UNC13B: variants seen among roughly 807,000 people sequenced by gnomAD.
UNC13B encodes protein unc-13 homolog B.
In UNC13B, 144 loss-of-function variants were observed where a neutral mutation model predicts 211.0. The ratio of observed to expected loss-of-function variants is 0.68; its 90% CI spans 0.60 to 0.78. UNC13B has a LOEUF of 0.78. Among genes scored for constraint, UNC13B ranks in the 30% least tolerant of loss-of-function variants. The pLI, the probability that UNC13B is intolerant of heterozygous loss-of-function variation, is 0.00. For missense variants in UNC13B, 1,777 were observed against 2,002.0 expected (o/e 0.89, Z 2.14); for synonymous variants, 709 against 725.8 (o/e 0.98, Z 0.37).
At chr9:35,321,273 T>G (rs992012916) in intron 11 of UNC13B, among the ~76,000 whole-genome samples, 2 of 152,152 alleles carry the variant, frequency 1.3e-5, no homozygotes, top group Non-Finnish European at 2.9e-5. Flanking sequence ...TGGGCTGGAG[T>G]GCAGTGGTAC....
chr9:35,227,528 C>T (rs1053829801), intron 1 of UNC13B, among the ~76,000 whole-genome samples: 2 of 152,136 alleles, frequency 1.3e-5, no homozygotes, highest in African/African-American at 2.4e-5. Flanking sequence ...GGAAACAGCG[C>T]TTTGTGATTA....
intron 1 of UNC13B, among the ~76,000 whole-genome samples, chr9:35,226,410 A>C (rs956901490): frequency 2.0e-5 from 3 of 152,190 alleles, no homozygotes; most frequent in African/African-American, 7.2e-5. Context: ...ATATGCACAC[A>C]CACACATATC....
intron 6 of UNC13B, among the ~76,000 whole-genome samples, chr9:35,254,964 A>G (rs1468355789): frequency 8.2e-6 from 1 of 121,592 alleles, no homozygotes; most frequent in Non-Finnish European, 1.6e-5. Flanking sequence ...AATATAATAT[A>G]TTATATTATA....
rs1279859366 is a variant in UNC13B at position 35,162,101 on chromosome 9, G to C, written c.-183G>C. The C allele has an allele frequency of 3.4e-6, 3 of 889,404 alleles. No homozygotes were observed. Among genetic ancestry groups the C allele is most frequent in the Non-Finnish European group, 5.1e-6 (3 of 586,250 alleles). The allele number at this position is 889,404 out of a possible 1,614,324, so 55.1% of individuals were successfully genotyped here. ...CGGTACTCACCGCTACCCGGAGTTC[G>C]CTCAGACGGTGAGATTTGGGGCGGG... On this transcript the variant is annotated 5_prime_UTR_variant, in exon 1 of 40. Coordinates refer to ENST00000635942, the MANE Select transcript of UNC13B (RefSeq NM_001371189.2).
At position 35,404,138 on chromosome 9, in the gene UNC13B, A is replaced by G; in HGVS notation, c.*105A>G. On this transcript the variant is annotated 3_prime_UTR_variant, in exon 40 of 40. Transcript: ENST00000635942. ...TAGGGTCTTTGCAGTCAAGAGGCTG[A>G]CCCCTTCAGTTAAAGATATTTAAGG... 1 of 1,424,616 alleles carries G rather than the reference A, an allele frequency of 7.0e-7. No homozygotes were observed. 88.2% of individuals were successfully genotyped at this position (1,424,616 alleles called of 1,614,324 possible).
rs371920951 is a variant in UNC13B at position 35,162,243 on chromosome 9, G to T, written c.-41G>T. On this transcript the variant is annotated 5_prime_UTR_variant, in exon 1 of 40. Coordinates refer to ENST00000635942, the MANE Select transcript of UNC13B (RefSeq NM_001371189.2). Reference sequence around the variant, plus strand: ...CTGAGAGGAAAGAGGGAGCGGTCCGGCGCGGCTGGGGCGCGGCAGAGGCTT... The same window carrying T: ...CTGAGAGGAAAGAGGGAGCGGTCCGTCGCGGCTGGGGCGCGGCAGAGGCTT... 6 of 1,542,414 alleles carry T rather than the reference G, an allele frequency of 3.9e-6. No homozygotes were observed. The highest frequency in any genetic ancestry group is 5.2e-6 in the Non-Finnish European group (6 of 1,146,854).
At chr9:35,324,750 ATGT>A (rs1352689425) in intron 11 of UNC13B, among the ~76,000 whole-genome samples, 2 of 152,162 alleles carry the variant, frequency 1.3e-5, no homozygotes, top group Non-Finnish European at 2.9e-5. Context: ...CATTTCTTAA[ATGT>A]TGTTCTTTCC....
intron 11 of UNC13B, among the ~76,000 whole-genome samples, chr9:35,366,136 C>A (rs527336899): frequency 6.6e-5 from 10 of 152,194 alleles, no homozygotes; most frequent in Admixed American, 2.0e-4. Context: ...GGGCAGGAAG[C>A]CCCAGACCTG....
At chr9:35,297,963 C>G (rs1829479453) in intron 8 of UNC13B, among the ~76,000 whole-genome samples, 1 of 152,162 alleles carries the variant, frequency 6.6e-6, no homozygotes, top group Admixed American at 6.5e-5. Flanking sequence ...TTAATAATAT[C>G]TGGAGTGATA....
At chr9:35,177,445 A>C (rs1821699942) in intron 1 of UNC13B, among the ~76,000 whole-genome samples, 1 of 152,214 alleles carries the variant, frequency 6.6e-6, no homozygotes, top group Admixed American at 6.5e-5. Context: ...CTACCAGTGA[A>C]AGCTTTTGGC....
intron 1 of UNC13B, among the ~76,000 whole-genome samples, chr9:35,217,737 T>C (rs1384069989): frequency 1.3e-5 from 2 of 152,112 alleles, no homozygotes; most frequent in African/African-American, 2.4e-5. Flanking sequence ...TCCTATTCTA[T>C]GCAATAAGAT....
Position 35,242,005 on chromosome 9 carries a change from T to C in UNC13B, c.395-1286T>C, listed in dbSNP as rs376611799. Among the ~76,000 whole-genome samples, 12 of 152,312 alleles carry C rather than the reference T, an allele frequency of 7.9e-5. No homozygotes were observed. In the East Asian group the frequency reaches 1.9e-3, roughly 24 times the overall value. The stretch of plus-strand genomic sequence containing the variant: ...ATGTGGCTACTAGAAAGTGTATCTG[T>C]TGAAATGTCTCTGAAGTTGATATGA... On this transcript the variant is annotated intron_variant, in intron 5 of 39. Coordinates refer to ENST00000635942, the MANE Select transcript of UNC13B (RefSeq NM_001371189.2).
chr9:35,260,572 T>C (rs939918898), intron 7 of UNC13B, among the ~76,000 whole-genome samples: 3 of 152,222 alleles, frequency 2.0e-5, no homozygotes, highest in African/African-American at 7.2e-5. Flanking sequence ...GCCTTCAATT[T>C]GGTACATTCT....
In UNC13B at chr9:35,306,631, A is replaced by G. The variant is rs1829937228; in HGVS notation, c.7227A>G (p.Pro2409=). ...TTACTACTGACCCAGTGAACTTGCC[A>G]TTAGAAAAGGCCCCCGATGAGGTCT... is the stretch of plus-strand genomic sequence containing the variant. ...EKFTTDPVNL[P]LEKAPDEVLP... is the part of the protein sequence containing the mutation. Residue 2409 remains proline, a synonymous_variant, in exon 9 of 40, where the codon CCA becomes CCG. Transcript: ENST00000635942. The G allele has an allele frequency of 5.0e-6, 2 of 398,922 alleles. No homozygotes were observed. The highest frequency in any genetic ancestry group is 1.3e-4 in the South Asian group (1 of 7,858). 24.7% of individuals were successfully genotyped at this position (398,922 alleles called of 1,614,324 possible).
intron 11 of UNC13B, among the ~76,000 whole-genome samples, chr9:35,366,189 C>T (rs546798804): frequency 6.6e-6 from 1 of 152,204 alleles, no homozygotes; most frequent in Non-Finnish European, 1.5e-5. Flanking sequence ...CTGGAGCACT[C>T]TGGCAGCTTT....
intron 7 of UNC13B, among the ~76,000 whole-genome samples, chr9:35,270,411 C>A (rs1414894251): frequency 1.3e-5 from 2 of 151,790 alleles, no homozygotes; most frequent in Non-Finnish European, 2.9e-5. Flanking sequence ...TATATACACA[C>A]ATGTGTATAT....
intron 11 of UNC13B, among the ~76,000 whole-genome samples, chr9:35,325,129 G>T (rs897259947): frequency 2.0e-5 from 3 of 152,182 alleles, no homozygotes; most frequent in Non-Finnish European, 4.4e-5. Context: ...TCCTCAGAGG[G>T]AGAGAAGGAT....
chr9:35,257,724 G>A (rs1212607161), intron 6 of UNC13B, among the ~76,000 whole-genome samples: 1 of 150,524 alleles, frequency 6.6e-6, no homozygotes, highest in Non-Finnish European at 1.5e-5. Context: ...ATCTACCTCT[G>A]ACATTTGTAC....
chr9:35,250,890 C>T (rs1484400812), intron 6 of UNC13B, among the ~76,000 whole-genome samples: 1 of 149,178 alleles, frequency 6.7e-6, no homozygotes, highest in African/African-American at 2.5e-5. Flanking sequence ...ATTTTGGTTG[C>T]TATTCCATTT....
Sources: allele counts gnomAD v4.1 joint callset (sites outside exome capture counted in the v4.1 genomes callset), GRCh38; gene constraint gnomAD v4.1.1; transcripts MANE v1.5; gene names NCBI Gene and HGNC (gene_info 2026-07-23, HGNC 2026-07-21).